The following AKR7A3 variants were observed in gnomAD, a reference collection of about 807,000 sequenced individuals.
The protein encoded by AKR7A3 is aldo-keto reductase family 7 member A3, also known as AFB1 aldehyde reductase 2.
AKR7A3 carries 37 observed loss-of-function variants against 32.5 expected under a neutral mutation model. The ratio of observed to expected loss-of-function variants is 1.14; its 90% CI spans 0.88 to 1.50. The LOEUF is 1.50. Ranked by LOEUF, AKR7A3 falls within the 40% of genes most tolerant of loss-of-function variation. The probability of loss-of-function intolerance (pLI) is 0.00; values close to 1 mark genes in which losing one functional copy is unlikely to be tolerated. For synonymous variants in AKR7A3, 177 were observed against 188.4 expected, an observed-to-expected ratio of 0.94 and a Z score of 0.50; for missense variants, 412 against 453.2, an observed-to-expected ratio of 0.91 and a Z score of 0.83.
At position 19,284,783 on chromosome 1, in the gene AKR7A3, C is replaced by A; in HGVS notation, c.607G>T (p.Gly203Cys). The A allele has an allele frequency of 6.2e-7, 1 of 1,613,856 alleles. No individual in the cohort carries two copies. ...TACTTGTACTTGCCGGTCAGCAGGC[C>A]CCCTGAGGGAAAGCAGCAATCAGCC... ...RFYAFNPLAG[G>C]LLTGKYKYED... The change falls in exon 5 of 7, where the codon GGC (glycine) becomes TGC (cysteine). Residue 203 changes from glycine to cysteine, a missense_variant and splice_region_variant. Transcript: ENST00000361640.
chr1:19,286,049 C>G, intron 2 of AKR7A3, 57 bp from the exon 3 acceptor site: 1 of 1,605,830 alleles, frequency 6.2e-7, no homozygotes, highest in Non-Finnish European at 8.5e-7. Flanking sequence ...GAAAGGGAGG[C>G]CAGGGTGGGG....
the AKR7A3 span, among the ~76,000 whole-genome samples, chr1:19,274,631 A>T: frequency 6.6e-6 from 1 of 151,686 alleles, no homozygotes; most frequent in African/African-American, 2.4e-5. Context: ...TTGGCATTGA[A>T]TTCTGTACCT....
At position 19,284,854 on chromosome 1, in the gene AKR7A3, T is replaced by A. The variant is rs1335960697; in HGVS notation, c.605-69A>T. On this transcript the variant is annotated intron_variant, in intron 4 of 6. Transcript: ENST00000361640. ...GAAGCTGCCACATCCCTCAGGGCTC[T>A]GGTCTAGGGGAGGGGCAGGGACCCA... 7.0e-6 allele frequency: 11 copies of A among 1,580,556 alleles called. No homozygotes were observed. In the East Asian group the frequency reaches 2.5e-4, roughly 35 times the overall value.
At chr1:19,285,372 C>A (rs2093727838) in intron 3 of AKR7A3, among the ~76,000 whole-genome samples, 1 of 151,862 alleles carries the variant, frequency 6.6e-6, no homozygotes, top group Non-Finnish European at 1.5e-5. Context: ...GGGTCCCTTC[C>A]CTCAAGGTTT....
At chr1:19,286,035 C>G in intron 2 of AKR7A3, 43 bp from the exon 3 acceptor site, 1 of 1,611,160 alleles carries the variant, frequency 6.2e-7, no homozygotes. Flanking sequence ...GCAGCCCAGA[C>G]CAGGAAAGGG....
intron 6 of AKR7A3, 88 bp downstream of exon 6, chr1:19,283,908 T>A: frequency 6.3e-7 from 1 of 1,580,884 alleles, no homozygotes; most frequent in East Asian, 2.3e-5. Flanking sequence ...TTCAGAGGAA[T>A]CGATAAACAA....
chr1:19,281,337 G>A (rs868503736), downstream of AKR7A3, among the ~76,000 whole-genome samples: 3 of 151,864 alleles, frequency 2.0e-5, no homozygotes, highest in Admixed American at 1.3e-4. Flanking sequence ...TCCAACTTCT[G>A]TGTTCTCAAA....
downstream of AKR7A3, among the ~76,000 whole-genome samples, chr1:19,280,810 T>G (rs2093717590): frequency 6.6e-6 from 1 of 151,754 alleles, no homozygotes; most frequent in Admixed American, 6.6e-5. Context: ...GACCTCATGA[T>G]CCGCCTGCCT....
chr1:19,285,167 T>C lies in AKR7A3; in HGVS notation c.508-53A>G, dbSNP rs1240460327. On this transcript the variant is annotated intron_variant, in intron 3 of 6. Coordinates refer to ENST00000361640, the MANE Select transcript of AKR7A3 (RefSeq NM_012067.3). Reference sequence around the variant, plus strand: ...GGGTGGATGTGTCAAAAGAAGAGACTTCAAAATTACCCTTCCAGAACCCTT... The same window carrying C: ...GGGTGGATGTGTCAAAAGAAGAGACCTCAAAATTACCCTTCCAGAACCCTT... 27 of 1,549,012 alleles carry C rather than the reference T, an allele frequency of 1.7e-5. 1 individual carries two copies. In the African/African-American group the frequency reaches 3.7e-4, roughly 21 times the overall value.
intron 6 of AKR7A3, among the ~76,000 whole-genome samples, 169 bp downstream of exon 6, chr1:19,283,827 T>TC (rs138929566): frequency 0.028 from 4,257 of 149,676 alleles, 77 homozygotes; most frequent in South Asian, 0.054. Context: ...TGAGACTCTG[T>TC]CCCCCCAAAA....
In AKR7A3 at chr1:19,286,630, G is replaced by A. The variant is rs548977318; in HGVS notation, c.215-258C>T. ...CGGGAGGCGGAGGTTGCAGTGAGCCGAGATTGTGCCACAGCACAATGTCTC... is the reference window on the plus strand; with the variant it reads ...CGGGAGGCGGAGGTTGCAGTGAGCCAAGATTGTGCCACAGCACAATGTCTC... On this transcript the variant is annotated intron_variant, in intron 1 of 6. Coordinates refer to ENST00000361640, the MANE Select transcript of AKR7A3 (RefSeq NM_012067.3). Among the ~76,000 whole-genome samples, 12 of 151,980 alleles carry A rather than the reference G, an allele frequency of 7.9e-5. 1 individual carries two copies. The highest frequency in any genetic ancestry group is 2.1e-4 in the South Asian group (1 of 4,822).
At position 19,284,689 on chromosome 1, in the gene AKR7A3, T is replaced by A; in HGVS notation, c.701A>T (p.Asn234Ile). 1 of 1,613,840 alleles carries A rather than the reference T, an allele frequency of 6.2e-7. No individual in the cohort carries two copies. Among genetic ancestry groups the A allele is most frequent in the Non-Finnish European group, 8.5e-7 (1 of 1,179,976 alleles). Residue 234 changes from asparagine (N) to isoleucine (I), a missense_variant, in exon 5 of 7, where the codon AAT (asparagine) becomes ATT (isoleucine). Transcript: ENST00000361640. ...ACACCAAGCACCCACAGCTTACCGA[T>A]TCCTGTACATCTCTGCCCAGGTATT... Reference protein sequence around the residue: ...FGNTWAEMYRNRYWKEHHFEG... With the variant: ...FGNTWAEMYRIRYWKEHHFEG...
At chr1:19,274,249 T>C in the AKR7A3 span, 1 of 1,300,322 alleles carries the variant, frequency 7.7e-7, no homozygotes. Context: ...TGGACTCCGC[T>C]CTCAACCACG....
At chr1:19,280,021 A>T (rs2093716496), downstream of AKR7A3, among the ~76,000 whole-genome samples, 1 of 151,732 alleles carries the variant, frequency 6.6e-6, no homozygotes, top group Admixed American at 6.6e-5. Context: ...GCCCAGGGAA[A>T]CCAAAAGATT....
At chr1:19,279,791 T>G (rs1439901614), downstream of AKR7A3, among the ~76,000 whole-genome samples, 4 of 151,960 alleles carry the variant, frequency 2.6e-5, no homozygotes, top group Non-Finnish European at 1.5e-5. Flanking sequence ...TATTGTTGAA[T>G]GATAAGAGTT....
chr1:19,285,265 A>T, intron 3 of AKR7A3, 151 bp from the exon 4 acceptor site: 1 of 757,452 alleles, frequency 1.3e-6, no homozygotes, highest in Non-Finnish European at 2.2e-6. Flanking sequence ...CTGGTGAAAG[A>T]AGCTTATGCC....
intron 2 of AKR7A3, 37 bp from the exon 3 acceptor site, chr1:19,286,029 C>T: frequency 1.2e-6 from 2 of 1,612,058 alleles, no homozygotes; most frequent in South Asian, 2.2e-5. Flanking sequence ...CATAGTGCAG[C>T]CCAGACCAGG....
intron 1 of AKR7A3, among the ~76,000 whole-genome samples, chr1:19,288,197 G>A (rs1401790452): frequency 2.0e-5 from 3 of 152,200 alleles, no homozygotes; most frequent in Non-Finnish European, 4.4e-5. Flanking sequence ...GTGCTCCAGA[G>A]AGGGGCTAGC....
chr1:19,285,207 C>A (rs2093727460), intron 3 of AKR7A3, 93 bp from the exon 4 acceptor site: 2 of 1,211,178 alleles, frequency 1.7e-6, no homozygotes, highest in Non-Finnish European at 2.4e-6. Context: ...CAGACCTTAA[C>A]AATTCTAGGA....
Sources: gnomAD v4.1 joint callset for allele counts (sites outside exome capture counted in the v4.1 genomes callset) on GRCh38, gnomAD v4.1.1 for gene constraint, MANE v1.5 for transcripts, NCBI Gene and HGNC (gene_info 2026-07-23, HGNC 2026-07-21) for gene names.